The following LRP1B variants were observed in gnomAD, a reference collection of about 807,000 sequenced individuals.
LRP1B encodes the protein LDL receptor related protein 1B.
Under a neutral mutation model 556.6 loss-of-function variants are expected in LRP1B, and 217 were observed. That is an observed-to-expected ratio of 0.39 (90% CI 0.35 to 0.44). The LOEUF is 0.44. Ranked by LOEUF, LRP1B falls within the 20% of genes least tolerant of loss-of-function variation. LRP1B has a pLI of 1.00. For synonymous variants in LRP1B, 2,047 were observed against 1,865.8 expected (o/e 1.10, Z -2.50); for missense variants, 5,053 against 5,620.8 (o/e 0.90, Z 3.23).
Position 140,734,800 on chromosome 2 carries a change from C to A in LRP1B, c.5759-17984G>T, listed in dbSNP as rs1488513239. Among the ~76,000 whole-genome samples the A allele has an allele frequency of 7.9e-5, 12 of 152,262 alleles. 1 individual carries two copies. The highest frequency in any genetic ancestry group is 2.1e-4 in the South Asian group (1 of 4,830). Reference sequence around the variant, plus strand: ...CAACATGTGGAGCTCCTCTGACAGGCAACATTGGCTTGATAGGTGACAGTG... The same window carrying A: ...CAACATGTGGAGCTCCTCTGACAGGAAACATTGGCTTGATAGGTGACAGTG... On this transcript the variant is annotated intron_variant, in intron 35 of 90. Coordinates refer to ENST00000389484, the MANE Select transcript of LRP1B (RefSeq NM_018557.3).
chr2:140,963,938 T>C (rs1173840456), intron 18 of LRP1B, among the ~76,000 whole-genome samples: 1 of 151,908 alleles, frequency 6.6e-6, no homozygotes, highest in Admixed American at 6.6e-5. Flanking sequence ...GATAAACAGA[T>C]AAGAGAAAAG....
At position 141,261,473 on chromosome 2, in the gene LRP1B, G is replaced by T. The variant is rs191893006; in HGVS notation, c.344-6832C>A. 1.9e-4 allele frequency among the ~76,000 whole-genome samples: 29 copies of T among 152,112 alleles called. 1 individual carries two copies. The highest frequency in any genetic ancestry group is 1.7e-3 in the Admixed American group (26 of 15,246). The stretch of plus-strand genomic sequence containing the variant: ...ATACCATTCATAAGATACAGAACAG[G>T]ATCATTACCCCAAAATACCCCCTTT... On this transcript the variant is annotated intron_variant, in intron 3 of 90. Transcript: ENST00000389484.
At chr2:140,630,081 T>A (rs1683824402) in intron 41 of LRP1B, among the ~76,000 whole-genome samples, 1 of 152,178 alleles carries the variant, frequency 6.6e-6, no homozygotes. Context: ...GAATGGTGGT[T>A]CTTATAGCGT....
chr2:141,745,796 C>G (rs374873475), intron 2 of LRP1B, among the ~76,000 whole-genome samples: 1 of 152,042 alleles, frequency 6.6e-6, no homozygotes. Context: ...CTGGGTCTCA[C>G]CTGGAGCCAG....
chr2:141,096,915 T>C (rs1211138858), intron 7 of LRP1B, among the ~76,000 whole-genome samples: 1 of 152,126 alleles, frequency 6.6e-6, no homozygotes, highest in East Asian at 1.9e-4. Flanking sequence ...CAGAAAGAGA[T>C]TAAAGTTGGT....
intron 41 of LRP1B, among the ~76,000 whole-genome samples, chr2:140,682,385 CT>C (rs1250865266): frequency 6.6e-6 from 1 of 152,108 alleles, no homozygotes; most frequent in Admixed American, 6.6e-5. Context: ...CATATGATTC[CT>C]TCCTTTGATG....
intron 43 of LRP1B, among the ~76,000 whole-genome samples, chr2:140,585,030 A>G (rs1681929439): frequency 6.6e-6 from 1 of 152,014 alleles, no homozygotes; most frequent in South Asian, 2.1e-4. Context: ...GCTTTTGGAG[A>G]TACAAAGATG....
At chr2:140,849,497 G>C (rs974121362) in intron 29 of LRP1B, among the ~76,000 whole-genome samples, 9 of 150,966 alleles carry the variant, frequency 6.0e-5, no homozygotes, top group South Asian at 2.1e-4. Context: ...CAGAAAAAAA[G>C]ACACTTTAAG....
At chr2:141,337,295 C>A (rs1407593130) in intron 3 of LRP1B, among the ~76,000 whole-genome samples, 1 of 152,138 alleles carries the variant, frequency 6.6e-6, no homozygotes, top group Non-Finnish European at 1.5e-5. Flanking sequence ...TAATAGTTGA[C>A]AATGTTGAAT....
chr2:141,341,918 C>T (rs746261830), intron 3 of LRP1B, among the ~76,000 whole-genome samples: 5 of 152,026 alleles, frequency 3.3e-5, no homozygotes, highest in African/African-American at 7.2e-5. Context: ...CATTATCCTG[C>T]ATAATCAAAA....
intron 32 of LRP1B, among the ~76,000 whole-genome samples, chr2:140,807,497 C>A (rs936250080): frequency 1.0e-4 from 15 of 146,298 alleles, no homozygotes; most frequent in Admixed American, 9.9e-4. Flanking sequence ...CCCGCCACCA[C>A]GCCTTGCTAA....
At chr2:141,447,988 A>G (rs1052426626) in intron 3 of LRP1B, among the ~76,000 whole-genome samples, 4 of 152,218 alleles carry the variant, frequency 2.6e-5, no homozygotes, top group African/African-American at 9.6e-5. Context: ...AGGCAGGAAC[A>G]TTTAAGTTGG....
intron 16 of LRP1B, among the ~76,000 whole-genome samples, chr2:140,989,880 G>T (rs983327856): frequency 2.0e-5 from 3 of 152,072 alleles, no homozygotes; most frequent in Non-Finnish European, 4.4e-5. Flanking sequence ...TTAAATAAAA[G>T]GAAATGTATT....
At chr2:140,649,667 T>C (rs1684606253) in intron 41 of LRP1B, among the ~76,000 whole-genome samples, 1 of 152,240 alleles carries the variant, frequency 6.6e-6, no homozygotes, top group Non-Finnish European at 1.5e-5. Context: ...TTAAACCACA[T>C]AGTTTGGATG....
At chr2:140,957,241 T>G (rs1180641442) in intron 18 of LRP1B, among the ~76,000 whole-genome samples, 1 of 151,658 alleles carries the variant, frequency 6.6e-6, no homozygotes, top group East Asian at 1.9e-4. Flanking sequence ...ATGTTTGAAT[T>G]AAGGCACATG....
chr2:141,296,379 T>C lies in LRP1B; in HGVS notation c.344-41738A>G, dbSNP rs577861139. Among the ~76,000 whole-genome samples the C allele has an allele frequency of 2.0e-5, 3 of 152,318 alleles. No individual in the cohort carries two copies. The South Asian group carries it at 6.2e-4, about 32-fold the overall frequency. Reference sequence around the variant, plus strand: ...GATTTACATTTCACATATAAGGGAATTTAAGCACAGACAAATTAAATTATG... The same window carrying C: ...GATTTACATTTCACATATAAGGGAACTTAAGCACAGACAAATTAAATTATG... On this transcript the variant is annotated intron_variant, in intron 3 of 90. Coordinates refer to ENST00000389484, the MANE Select transcript of LRP1B (RefSeq NM_018557.3).
chr2:140,655,861 T>C (rs1267653931), intron 41 of LRP1B, among the ~76,000 whole-genome samples: 1 of 151,544 alleles, frequency 6.6e-6, no homozygotes, highest in Non-Finnish European at 1.5e-5. Context: ...GAGAGTGGCC[T>C]GTACCCGGGA....
chr2:140,466,534 A>G (rs934606691), intron 60 of LRP1B, among the ~76,000 whole-genome samples: 2 of 152,168 alleles, frequency 1.3e-5, no homozygotes, highest in African/African-American at 4.8e-5. Context: ...TGTAGTGAAT[A>G]TAATTGCTAG....
chr2:140,440,743 A>ATGTG (rs375585057), intron 66 of LRP1B, among the ~76,000 whole-genome samples: 4 of 150,498 alleles, frequency 2.7e-5, no homozygotes, highest in Non-Finnish European at 4.4e-5. Flanking sequence ...CTCTGTATGT[A>ATGTG]TGTGTGTGTG....
Sources: gnomAD v4.1 joint callset for allele counts (sites outside exome capture counted in the v4.1 genomes callset) on GRCh38, gnomAD v4.1.1 for gene constraint, MANE v1.5 for transcripts, NCBI Gene and HGNC (gene_info 2026-07-23, HGNC 2026-07-21) for gene names.